PLEKHG1: variants seen among roughly 807,000 people sequenced by gnomAD.
PLEKHG1 encodes the protein pleckstrin homology domain-containing family G member 1.
A neutral mutation model predicts 100.8 loss-of-function variants in PLEKHG1; 44 were observed. The ratio of observed to expected loss-of-function variants is 0.44; its 90% CI spans 0.34 to 0.56. The LOEUF is 0.56. PLEKHG1 is among the 20% of genes least tolerant of loss of function. The pLI, the probability that PLEKHG1 is intolerant of heterozygous loss-of-function variation, is 0.01. For missense variants in PLEKHG1, 1,545 were observed against 1,720.9 expected, an observed-to-expected ratio of 0.90 and a Z score of 1.81; for synonymous variants, 640 against 662.5, an observed-to-expected ratio of 0.97 and a Z score of 0.52.
At chr6:150,666,822 G>A (rs1031402764) in intron 3 of PLEKHG1, among the ~76,000 whole-genome samples, 19 of 151,006 alleles carry the variant, frequency 1.3e-4, no homozygotes, top group African/African-American at 2.0e-4. Context: ...GTGCAGTGGC[G>A]CAATCTCGGC....
intron 7 of PLEKHG1, among the ~76,000 whole-genome samples, chr6:150,806,662 C>CA (rs4036093): frequency 2.3e-3 from 310 of 132,678 alleles, no homozygotes; most frequent in African/African-American, 5.1e-3. Context: ...GAGACTGTCT[C>CA]AAAAAAAAAA....
intron 5 of PLEKHG1, among the ~76,000 whole-genome samples, chr6:150,796,794 C>T (rs1435065395): frequency 4.6e-5 from 7 of 152,074 alleles, no homozygotes; most frequent in African/African-American, 1.4e-4. Context: ...TAAGGTGATT[C>T]TCTGAGGGGT....
At chr6:150,841,144 A>G (rs950846538) in exon 16 of PLEKHG1, 39 of 624,912 alleles carry the variant, frequency 6.2e-5, no homozygotes, top group South Asian at 5.6e-4. Context: ...ATGTAAGTCA[A>G]TCTTACTTGA....
chr6:150,805,223 C>T (rs867236068), intron 7 of PLEKHG1, among the ~76,000 whole-genome samples: 2 of 152,190 alleles, frequency 1.3e-5, no homozygotes, highest in Non-Finnish European at 2.9e-5. Flanking sequence ...GCATGAGCCA[C>T]CACACCCGGC....
In PLEKHG1 at chr6:150,831,139, G is replaced by C. The variant is rs765212368; in HGVS notation, c.2028G>C (p.Arg676=). 6.2e-7 allele frequency: 1 copy of C among 1,613,928 alleles called. No individual in the cohort carries two copies. Among genetic ancestry groups the C allele is most frequent in the Non-Finnish European group, 8.5e-7 (1 of 1,179,878 alleles). The change falls in exon 15 of 16, where the codon CGG becomes CGC. Residue 676 remains arginine, a synonymous_variant. Coordinates refer to ENST00000358517, the Ensembl canonical transcript of PLEKHG1. The surrounding 1 kb of genome is among the most constrained non-coding windows in gnomAD (Gnocchi z 4.1). ...ACTTAAAACTAATGGTTGCTAAGCG[G>C]GAAGAAGCTGAATCCACTCCCTCTA...
At chr6:150,802,450 G>A (rs1786766501) in intron 6 of PLEKHG1, among the ~76,000 whole-genome samples, 1 of 150,090 alleles carries the variant, frequency 6.7e-6, no homozygotes, top group Non-Finnish European at 1.5e-5. Flanking sequence ...CAGTCAAAAG[G>A]AAAGTTTAAG....
chr6:150,665,271 TAGAAG>T (rs1264165757), intron 3 of PLEKHG1, among the ~76,000 whole-genome samples: 1 of 152,190 alleles, frequency 6.6e-6, no homozygotes, highest in Non-Finnish European at 1.5e-5. Context: ...ACTACGTCAT[TAGAAG>T]AGAAAGCTAA....
At chr6:150,731,986 G>A (rs1162132631) in intron 1 of PLEKHG1, among the ~76,000 whole-genome samples, 7 of 131,386 alleles carry the variant, frequency 5.3e-5, no homozygotes, top group African/African-American at 2.1e-4. Flanking sequence ...TTTTGAGACG[G>A]ACTCTCTCTC....
At chr6:150,608,116 C>T (rs1291746377) in intron 1 of PLEKHG1, among the ~76,000 whole-genome samples, 1 of 152,226 alleles carries the variant, frequency 6.6e-6, no homozygotes, top group Admixed American at 6.5e-5. Flanking sequence ...ATGGAACCCT[C>T]ATGGTCCACA....
At chr6:150,833,540 T>C (rs974502852) in intron 15 of PLEKHG1, among the ~76,000 whole-genome samples, 2 of 152,312 alleles carry the variant, frequency 1.3e-5, no homozygotes, top group African/African-American at 2.4e-5. Flanking sequence ...TAGACTTTTT[T>C]TGAAGGCCAA....
At chr6:150,788,250 C>T (rs1050792815) in intron 4 of PLEKHG1, among the ~76,000 whole-genome samples, 1 of 152,256 alleles carries the variant, frequency 6.6e-6, no homozygotes, top group African/African-American at 2.4e-5. Context: ...TGAGGGAGTG[C>T]TGGGCTCAGG....
At chr6:150,623,016 C>G (rs1427296440) in intron 1 of PLEKHG1, among the ~76,000 whole-genome samples, 1 of 147,024 alleles carries the variant, frequency 6.8e-6, no homozygotes, top group African/African-American at 2.5e-5. Flanking sequence ...TCTTAATGAG[C>G]ATCTTTTTTT....
chr6:150,685,475 G>A (rs1196458490), intron 3 of PLEKHG1, among the ~76,000 whole-genome samples: 3 of 152,180 alleles, frequency 2.0e-5, no homozygotes, highest in African/African-American at 7.2e-5. Context: ...AGGAGGCCCA[G>A]GACATGTGTC....
At chr6:150,632,318 G>A (rs1482722163) in intron 1 of PLEKHG1, among the ~76,000 whole-genome samples, 4 of 152,172 alleles carry the variant, frequency 2.6e-5, no homozygotes, top group Admixed American at 2.0e-4. Context: ...TTAACAGTAG[G>A]GAGTTGTGAT....
At chr6:150,607,358 A>C (rs1776644982) in intron 1 of PLEKHG1, among the ~76,000 whole-genome samples, 1 of 152,200 alleles carries the variant, frequency 6.6e-6, no homozygotes, top group Non-Finnish European at 1.5e-5. Context: ...CAGGCCTCAA[A>C]CACTGACATC....
chr6:150,661,575 A>G (rs1021620699), intron 3 of PLEKHG1, among the ~76,000 whole-genome samples: 2 of 152,200 alleles, frequency 1.3e-5, no homozygotes, highest in African/African-American at 4.8e-5. Flanking sequence ...GCCAGTTCCC[A>G]TTACTGATGT....
At chr6:150,687,475 A>G (rs1466731666) in intron 3 of PLEKHG1, among the ~76,000 whole-genome samples, 1 of 152,206 alleles carries the variant, frequency 6.6e-6, no homozygotes, top group African/African-American at 2.4e-5. Flanking sequence ...AGTGACAAAA[A>G]TATAGCTTTC....
At chr6:150,804,587 A>T in intron 6 of PLEKHG1, 23 bp from the exon 8 acceptor site, 1 of 1,458,766 alleles carries the variant, frequency 6.9e-7, no homozygotes, top group Non-Finnish European at 9.2e-7. Context: ...AAAAAAAAAA[A>T]CCCTCGTTCT....
intron 1 of PLEKHG1, among the ~76,000 whole-genome samples, chr6:150,621,432 T>C (rs1026326218): frequency 7.9e-5 from 12 of 151,490 alleles, no homozygotes; most frequent in Admixed American, 7.3e-4. Flanking sequence ...TGGAATACAG[T>C]GGCACAATCT....
Sources: allele counts gnomAD v4.1 joint callset (sites outside exome capture counted in the v4.1 genomes callset), GRCh38; gene constraint gnomAD v4.1.1; non-coding constraint Gnocchi (gnomAD v3.1); transcripts MANE v1.5; gene names NCBI Gene and HGNC (gene_info 2026-07-23, HGNC 2026-07-21).